DNAH11: variants seen among roughly 807,000 people sequenced by gnomAD.
The protein encoded by DNAH11 is axonemal beta dynein heavy chain 11.
Under a neutral mutation model 526.0 loss-of-function variants are expected in DNAH11, and 442 were observed. The observed-to-expected ratio is 0.84, with a 90% confidence interval of 0.78 to 0.91. The LOEUF (loss-of-function observed/expected upper bound fraction) is 0.91, where lower values mean the gene tolerates loss of function less well. Among genes scored for constraint, DNAH11 ranks in the 40% least tolerant of loss-of-function variants. The pLI, the probability that DNAH11 is intolerant of heterozygous loss-of-function variation, is 0.00. For missense variants in DNAH11, 6,989 were observed against 5,448.7 expected (o/e 1.28, Z -8.90); for synonymous variants, 2,461 against 1,935.9 (o/e 1.27, Z -7.12).
At chr7:21,739,768 C>A in intron 48 of DNAH11, 95 bp downstream of exon 48, 3 of 909,878 alleles carry the variant, frequency 3.3e-6, no homozygotes, top group Middle Eastern at 2.3e-4. Context: ...TTGTTAAGCA[C>A]GTTTCTCATG....
intron 30 of DNAH11, among the ~76,000 whole-genome samples, chr7:21,676,819 G>A (rs138733697): frequency 1.0e-3 from 154 of 152,268 alleles, no homozygotes; most frequent in Non-Finnish European, 1.5e-3. Flanking sequence ...GCAAAGACCG[G>A]ATATCTTGAC....
chr7:21,735,062 C>T (rs188217411), intron 45 of DNAH11, among the ~76,000 whole-genome samples: 2 of 145,712 alleles, frequency 1.4e-5, no homozygotes, highest in South Asian at 2.2e-4. Context: ...CCCAACTACT[C>T]AGGAGGCTGA....
At chr7:21,786,928 G>T (rs1788219960) in intron 59 of DNAH11, among the ~76,000 whole-genome samples, 161 bp downstream of exon 59, 1 of 152,176 alleles carries the variant, frequency 6.6e-6, no homozygotes, top group South Asian at 2.1e-4. Flanking sequence ...TACAGCTTTT[G>T]TTTGCCAAGT....
chr7:21,611,314 G>A (rs78365864), intron 20 of DNAH11, among the ~76,000 whole-genome samples: 1,600 of 152,170 alleles, frequency 0.011, 53 homozygotes, highest in South Asian at 0.071. Context: ...CTTTGGCCCC[G>A]GACTGAGGAT....
intron 69 of DNAH11, 79 bp from the exon 70 acceptor site, chr7:21,864,456 T>A: frequency 6.8e-7 from 1 of 1,463,086 alleles, no homozygotes; most frequent in Non-Finnish European, 9.3e-7. Flanking sequence ...CAGTCATGTC[T>A]GTTAAATGTG....
Position 21,750,379 on chromosome 7 carries a change from C to T in DNAH11, c.8940+15C>T, listed in dbSNP as rs761280719. 22 of 1,588,714 alleles carry T rather than the reference C, an allele frequency of 1.4e-5. No individual in the cohort carries two copies. The South Asian group carries it at 1.9e-4, about 13-fold the overall frequency. On this transcript the variant is annotated intron_variant, in intron 54 of 81. Coordinates refer to ENST00000409508, the MANE Select transcript of DNAH11 (RefSeq NM_001277115.2). ...TACAGCTCAAAGTAAGAAATACTTGCTTAATTTGCATGTTAGTTAAAACCT... is the reference window on the plus strand; with the variant it reads ...TACAGCTCAAAGTAAGAAATACTTGTTTAATTTGCATGTTAGTTAAAACCT...
At chr7:21,766,906 C>A (rs911504542) in intron 55 of DNAH11, among the ~76,000 whole-genome samples, 4 of 152,114 alleles carry the variant, frequency 2.6e-5, no homozygotes, top group African/African-American at 9.7e-5. Flanking sequence ...ATGGTAGAGG[C>A]CTTAGGATAT....
chr7:21,773,913 C>T lies in DNAH11; in HGVS notation c.9250C>T (p.Leu3084=), dbSNP rs566490774. 1.3e-5 allele frequency: 21 copies of T among 1,599,854 alleles called. No homozygotes were observed. The highest frequency in any genetic ancestry group is 1.7e-5 in the Admixed American group (1 of 57,820). ...AGAACAAATATCACTGTTTAAGAAC[C>T]TGTTGAAGAAGAAGCAAAATGAGGT... is the stretch of plus-strand genomic sequence containing the variant. ...FLEQISLFKN[L]LKKKQNEVSE... The change falls in exon 56 of 82, where the codon CTG becomes TTG. Residue 3084 remains leucine (L), a synonymous_variant. Coordinates refer to ENST00000409508, the MANE Select transcript of DNAH11 (RefSeq NM_001277115.2).
At position 21,786,658 on chromosome 7, in the gene DNAH11, C is replaced by T; in HGVS notation, c.9632C>T (p.Pro3211Leu). Residue 3211 changes from proline to leucine, a missense_variant, in exon 59 of 82, where the codon CCT becomes CTT. By Grantham distance (98) the Pro-to-Leu change is moderately conservative (BLOSUM62 -3). Coordinates refer to ENST00000409508, the MANE Select transcript of DNAH11 (RefSeq NM_001277115.2). ...AGTGAGCTGAAAGCCTTTCCCAACC[C>T]TCCCATCGCAGTTACCAATGTTACT... ...NLSELKAFPN[P>L]PIAVTNVTAA... The T allele has an allele frequency of 1.2e-6, 2 of 1,613,490 alleles. No individual in the cohort carries two copies.
chr7:21,773,686 T>A lies in DNAH11; in HGVS notation c.9103-80T>A, dbSNP rs369291881. On this transcript the variant is annotated intron_variant, in intron 55 of 81. Coordinates refer to ENST00000409508, the MANE Select transcript of DNAH11 (RefSeq NM_001277115.2). ...TTTTTTCTGACTTTTAGAAAAAAAA[T>A]GATCATTTACTTGATTTTTTTTAAG... 4.2e-5 allele frequency: 43 copies of A among 1,032,416 alleles called. No homozygotes were observed. In the East Asian group the frequency reaches 7.7e-4, roughly 18 times the overall value. The allele number at this position is 1,032,416 out of a possible 1,614,324, so 64.0% of individuals were successfully genotyped here. A position where few individuals can be genotyped will look rare whatever the true frequency, so the allele number is the denominator to read the frequency against.
Position 21,784,442 on chromosome 7 carries a change from A to C in DNAH11, c.9499A>C (p.Thr3167Pro), listed in dbSNP as rs202224167. 382 of 1,613,072 alleles carry C rather than the reference A, an allele frequency of 2.4e-4. No individual in the cohort carries two copies. The highest frequency in any genetic ancestry group is 3.1e-4 in the Non-Finnish European group (370 of 1,179,550). The change falls in exon 58 of 82, where the codon ACT (threonine) becomes CCT (proline). Residue 3167 changes from threonine to proline, a missense_variant. Physicochemically the swap from Thr to Pro is conservative, Grantham distance 38. Coordinates refer to ENST00000409508, the MANE Select transcript of DNAH11 (RefSeq NM_001277115.2). Reference protein sequence around the residue: ...AEERKVTAIQTEVFQKQRECE... With the variant: ...AEERKVTAIQPEVFQKQRECE... ...CTTTAATTAGGTGACAGCCATTCAGACTGAAGTGTTCCAGAAACAGAGAGA... is the reference window on the plus strand; with the variant it reads ...CTTTAATTAGGTGACAGCCATTCAGCCTGAAGTGTTCCAGAAACAGAGAGA...
At chr7:21,588,663 A>G (rs774268157) in intron 11 of DNAH11, 27 bp downstream of exon 11, 1 of 1,607,592 alleles carries the variant, frequency 6.2e-7, no homozygotes, top group Non-Finnish European at 8.5e-7. Flanking sequence ...AGGTCATGGC[A>G]AGTTATTCTA....
At chr7:21,587,669 A>G (rs1388650773) in intron 9 of DNAH11, among the ~76,000 whole-genome samples, 1 of 152,104 alleles carries the variant, frequency 6.6e-6, no homozygotes, top group Non-Finnish European at 1.5e-5. Context: ...CTTAATATGG[A>G]TATATGGATA....
At chr7:21,766,557 A>C (rs12531721) in intron 55 of DNAH11, among the ~76,000 whole-genome samples, 1 of 152,196 alleles carries the variant, frequency 6.6e-6, no homozygotes, top group Middle Eastern at 3.4e-3. Flanking sequence ...CCCAAAAGGC[A>C]TAACTGCCAC....
intron 2 of DNAH11, among the ~76,000 whole-genome samples, chr7:21,554,000 T>C (rs1783121752): frequency 6.6e-6 from 1 of 151,930 alleles, no homozygotes; most frequent in Admixed American, 6.6e-5. Flanking sequence ...TAATCTGGAG[T>C]ATTTTCTTAA....
chr7:21,729,653 G>C (rs2906673), intron 45 of DNAH11, among the ~76,000 whole-genome samples: 98,376 of 151,726 alleles, frequency 0.65, 32,326 homozygotes, highest in South Asian at 0.73. Context: ...ATTCAGCCGT[G>C]TTCCTTGCCA....
At chr7:21,576,492 G>A (rs920374461) in intron 8 of DNAH11, among the ~76,000 whole-genome samples, 1 of 152,208 alleles carries the variant, frequency 6.6e-6, no homozygotes, top group Non-Finnish European at 1.5e-5. Context: ...CTGATAGAGG[G>A]TATGGATAAT....
chr7:21,807,304 G>A (rs926415500), intron 62 of DNAH11, among the ~76,000 whole-genome samples: 1 of 152,122 alleles, frequency 6.6e-6, no homozygotes, highest in Non-Finnish European at 1.5e-5. Flanking sequence ...TTTGAGACCA[G>A]CCTGGGCAAC....
intron 68 of DNAH11, among the ~76,000 whole-genome samples, chr7:21,860,268 C>G (rs908027568): frequency 6.8e-4 from 96 of 140,242 alleles, no homozygotes; most frequent in African/African-American, 2.4e-3. Context: ...CACCTCACAC[C>G]CATTAGAATG....
Sources: gnomAD v4.1 joint callset for allele counts (sites outside exome capture counted in the v4.1 genomes callset) on GRCh38, gnomAD v4.1.1 for gene constraint, MANE v1.5 for transcripts, NCBI Gene and HGNC (gene_info 2026-07-23, HGNC 2026-07-21) for gene names.